The following TIGAR variants were observed in gnomAD, a reference collection of about 807,000 sequenced individuals.
TIGAR encodes fructose-2,6-bisphosphatase TIGAR.
TIGAR carries 7 observed loss-of-function variants against 17.9 expected under a neutral mutation model. The observed-to-expected ratio is 0.39, with a 90% CI of 0.22 to 0.73. TIGAR has a LOEUF of 0.73. Among genes scored for constraint, TIGAR ranks in the 30% least tolerant of loss-of-function variants. The pLI, the probability that TIGAR is intolerant of heterozygous loss-of-function variation, is 0.42. For synonymous variants in TIGAR, 94 were observed against 108.6 expected, an observed-to-expected ratio of 0.87 and a Z score of 0.84; for missense variants, 258 against 327.4, an observed-to-expected ratio of 0.79 and a Z score of 1.64.
At chr12:4,341,282 G>GA (rs1864717515) in intron 3 of TIGAR, among the ~76,000 whole-genome samples, 1 of 151,800 alleles carries the variant, frequency 6.6e-6, no homozygotes, top group Non-Finnish European at 1.5e-5. Flanking sequence ...AGAGAGGGGG[G>GA]GCGGTTCCAA....
intron 3 of TIGAR, among the ~76,000 whole-genome samples, chr12:4,337,467 A>G (rs12819956): frequency 0.2 from 31,054 of 152,192 alleles, 3,964 homozygotes; most frequent in Admixed American, 0.27. Flanking sequence ...GCAACAGGTG[A>G]GTTTAGAGTC....
At chr12:4,328,600 A>G (rs1228812664) in intron 1 of TIGAR, among the ~76,000 whole-genome samples, 1 of 147,934 alleles carries the variant, frequency 6.8e-6, no homozygotes, top group Admixed American at 6.8e-5. Flanking sequence ...TTTTGGAGAC[A>G]GAGTCTTGCT....
At position 4,352,971 on chromosome 12, in the gene TIGAR, G is replaced by A; in HGVS notation, c.*280G>A. 2.7e-6 allele frequency: 1 copy of A among 373,836 alleles called. No homozygotes were observed. The highest frequency in any genetic ancestry group is 2.0e-5 in the African/African-American group (1 of 49,158). The allele number at this position is 373,836 out of a possible 1,614,324, so 23.2% of individuals were successfully genotyped here. On this transcript the variant is annotated 3_prime_UTR_variant, in exon 6 of 6. Coordinates refer to ENST00000179259, the MANE Select transcript of TIGAR (RefSeq NM_020375.3). The stretch of plus-strand genomic sequence containing the variant: ...ATGAAGGAACTCAGCATTGAAAGTT[G>A]GGGGATTAGTAACCTTGTTACAACG...
Position 4,353,853 on chromosome 12 carries a change from G to T in TIGAR, c.*1162G>T, listed in dbSNP as rs536090471. 4 of 151,150 alleles carry T rather than the reference G, an allele frequency of 2.6e-5. No individual in the cohort carries two copies. Among genetic ancestry groups the T allele is most frequent in the East Asian group, 4.2e-4 (2 of 4,768 alleles). The allele number at this position is 151,150 out of a possible 1,614,324, so 9.4% of individuals were successfully genotyped here. On this transcript the variant is annotated 3_prime_UTR_variant, in exon 6 of 6. Coordinates refer to ENST00000179259, the MANE Select transcript of TIGAR (RefSeq NM_020375.3). ...AGAGGGTGCTCTGCGGGCAGGGAAG[G>T]CGGGGTGGTTGGGGGGGAGAGAATG...
chr12:4,324,712 A>G, intron 1 of TIGAR: 2 of 792,170 alleles, frequency 2.5e-6, no homozygotes, highest in South Asian at 3.0e-5. Context: ...CAGCTGCGTC[A>G]GCTGCTCGCA....
chr12:4,350,345 ATACATAT>A (rs1864824809), intron 4 of TIGAR, among the ~76,000 whole-genome samples: 1 of 152,218 alleles, frequency 6.6e-6, no homozygotes, highest in Non-Finnish European at 1.5e-5. Context: ...AGGCATTTAT[ATACATAT>A]TGCCAAGTTG....
chr12:4,344,228 A>G (rs1030065408), intron 3 of TIGAR, among the ~76,000 whole-genome samples: 1 of 152,228 alleles, frequency 6.6e-6, no homozygotes, highest in Admixed American at 6.5e-5. Context: ...AATTGAGGCA[A>G]TAATTAATAG....
chr12:4,343,383 C>A lies in TIGAR; in HGVS notation c.192+6223C>A, dbSNP rs142512665. Among the ~76,000 whole-genome samples the A allele has an allele frequency of 6.7e-3, 1,024 of 152,272 alleles. 10 individuals are homozygous for A. Among genetic ancestry groups the A allele is most frequent in the African/African-American group, 0.024 (990 of 41,544 alleles). On this transcript the variant is annotated intron_variant, in intron 3 of 5. Transcript: ENST00000179259. ...GAACTCAACTCTGCACCAAGCACAC[C>A]TAATAGACATCTACAGAACTCTCCA...
chr12:4,341,574 T>C (rs980216013), intron 3 of TIGAR, among the ~76,000 whole-genome samples: 1 of 152,224 alleles, frequency 6.6e-6, no homozygotes, highest in Non-Finnish European at 1.5e-5. Context: ...CAACATTTGC[T>C]GTTCAGCAAT....
chr12:4,349,941 T>G (rs200484726), intron 4 of TIGAR, 45 bp downstream of exon 4: 11 of 1,338,710 alleles, frequency 8.2e-6, no homozygotes, highest in Non-Finnish European at 1.1e-5. Flanking sequence ...AAATTATCAG[T>G]AAGCCACCTC....
intron 2 of TIGAR, among the ~76,000 whole-genome samples, chr12:4,334,227 G>A (rs1273406127): frequency 6.6e-6 from 1 of 152,318 alleles, no homozygotes; most frequent in South Asian, 2.1e-4. Context: ...TAGAGACTGT[G>A]AATTCCAAGA....
rs775836102 is a variant in TIGAR, at chr12:4,337,176, T to C, written c.192+16T>C. 2.7e-5 allele frequency: 43 copies of C among 1,591,526 alleles called. No homozygotes were observed. Among genetic ancestry groups the C allele is most frequent in the African/African-American group, 1.9e-4 (14 of 74,354 alleles). Reference sequence around the variant, plus strand: ...GACAAAGCAGGTACATTTATTTATTTATTTATTTTGAGACAGAGCGTCACT... The same window carrying C: ...GACAAAGCAGGTACATTTATTTATTCATTTATTTTGAGACAGAGCGTCACT... On this transcript the variant is annotated intron_variant, in intron 3 of 5. Coordinates refer to ENST00000179259, the MANE Select transcript of TIGAR (RefSeq NM_020375.3).
At position 4,354,007 on chromosome 12, in the gene TIGAR, C is replaced by T. The variant is rs1864868554; in HGVS notation, c.*1316C>T. The T allele has an allele frequency of 6.6e-6, 1 of 152,510 alleles. No individual in the cohort carries two copies. Among genetic ancestry groups the T allele is most frequent in the African/African-American group, 2.4e-5 (1 of 41,410 alleles). The allele number at this position is 152,510 out of a possible 1,614,324, so 9.4% of individuals were successfully genotyped here. On this transcript the variant is annotated 3_prime_UTR_variant, in exon 6 of 6. Coordinates refer to ENST00000179259, the MANE Select transcript of TIGAR (RefSeq NM_020375.3). ...AATTTTATACACAAGATTGGTCTTTCAGAAATCTTTATCTAAATGAAGAAA... is the reference window on the plus strand; with the variant it reads ...AATTTTATACACAAGATTGGTCTTTTAGAAATCTTTATCTAAATGAAGAAA...
chr12:4,335,744 T>C (rs1019296520), intron 2 of TIGAR: 5 of 152,270 alleles, frequency 3.3e-5, no homozygotes. Context: ...GTTCTCATTC[T>C]TTCCTTTAGA....
chr12:4,346,109 G>A (rs1258444440), intron 3 of TIGAR, among the ~76,000 whole-genome samples: 3 of 152,208 alleles, frequency 2.0e-5, no homozygotes, highest in Non-Finnish European at 2.9e-5. Flanking sequence ...GGAAACAACA[G>A]GTGCTGGAGA....
chr12:4,330,663 C>T (rs1864594195), intron 1 of TIGAR, among the ~76,000 whole-genome samples: 1 of 152,150 alleles, frequency 6.6e-6, no homozygotes, highest in South Asian at 2.1e-4. Context: ...TTCTTTTACC[C>T]TTCCGGTTGG....
At chr12:4,333,964 G>A (rs1300502218) in intron 2 of TIGAR, among the ~76,000 whole-genome samples, 10 of 151,674 alleles carry the variant, frequency 6.6e-5, no homozygotes, top group African/African-American at 1.7e-4. Context: ...GATGTGTTTC[G>A]ATTTTTTTTC....
rs1349865395 is a variant in TIGAR, at chr12:4,345,009, T to C, written c.193-4810T>C. On this transcript the variant is annotated intron_variant, in intron 3 of 5. Coordinates refer to ENST00000179259, the MANE Select transcript of TIGAR (RefSeq NM_020375.3). ...ATCATGAGTGAACTCCCATTCACAA[T>C]TGCTTCAAAGAGGATAAAATACCTA... is the stretch of plus-strand genomic sequence containing the variant. Among the ~76,000 whole-genome samples the C allele has an allele frequency of 4.6e-5, 7 of 152,148 alleles. No homozygotes were observed. The East Asian group carries it at 5.8e-4, about 13-fold the overall frequency.
intron 1 of TIGAR, among the ~76,000 whole-genome samples, chr12:4,329,919 A>T (rs534068712): frequency 6.6e-6 from 1 of 152,288 alleles, no homozygotes; most frequent in Non-Finnish European, 1.5e-5. Context: ...TGGTAGTGCC[A>T]GGGGACCATG....
Sources: allele counts gnomAD v4.1 joint callset (sites outside exome capture counted in the v4.1 genomes callset), GRCh38; gene constraint gnomAD v4.1.1; transcripts MANE v1.5; gene names NCBI Gene and HGNC (gene_info 2026-07-23, HGNC 2026-07-21).